Variants in DLG5 observed in about 807,000 individuals in gnomAD.
The protein encoded by DLG5 is disks large homolog 5.
DLG5 carries 48 observed loss-of-function variants against 189.8 expected under a neutral mutation model. That is an observed-to-expected ratio of 0.25 (90% CI 0.20 to 0.32). DLG5 has a LOEUF of 0.32. Ranked by LOEUF, DLG5 falls within the 10% of genes least tolerant of loss-of-function variation. The probability of loss-of-function intolerance (pLI) is 1.00; values close to 1 mark genes in which losing one functional copy is unlikely to be tolerated. For missense variants in DLG5, 2,160 were observed against 2,544.7 expected (o/e 0.85, Z 3.25); for synonymous variants, 1,016 against 1,054.1 (o/e 0.96, Z 0.70).
intron 1 of DLG5, among the ~76,000 whole-genome samples, chr10:77,888,804 A>C (rs1462828919): frequency 2.0e-5 from 3 of 152,146 alleles, no homozygotes; most frequent in Non-Finnish European, 2.9e-5. Flanking sequence ...AATATTTTCC[A>C]AGCTCTTTTA....
rs1251364910 is a variant in DLG5 at position 77,869,216 on chromosome 10, C to T, written c.305-19G>A. On this transcript the variant is annotated intron_variant, in intron 1 of 31. Coordinates refer to ENST00000372391, the MANE Select transcript of DLG5 (RefSeq NM_004747.4). ...GTAGAACCTGGGGAAAGAGGGGAGA[C>T]CATGTTACTAACCCCAAGGGGTCAC... 2 of 1,612,362 alleles carry T rather than the reference C, an allele frequency of 1.2e-6. No homozygotes were observed. The highest frequency in any genetic ancestry group is 1.7e-6 in the Non-Finnish European group (2 of 1,178,862).
chr10:77,855,619 A>T (rs1472583012), intron 3 of DLG5, among the ~76,000 whole-genome samples: 1 of 152,246 alleles, frequency 6.6e-6, no homozygotes, highest in Non-Finnish European at 1.5e-5. Flanking sequence ...CCCGTGGGCC[A>T]TAGTGTGCCA....
rs1303457502 is a variant in DLG5, at chr10:77,868,105, T to C, written c.373+1024A>G. ...CAGCCTGCGTGGCCTCACTGACACT[T>C]TGATCTTGGGCTTCTGTCCTCCAGA... On this transcript the variant is annotated intron_variant, in intron 2 of 31. Transcript: ENST00000372391. The C allele has an allele frequency of 8.8e-6, 4 of 456,212 alleles. No homozygotes were observed. In the Admixed American group the frequency reaches 9.4e-5, roughly 11 times the overall value. The allele number at this position is 456,212 out of a possible 1,614,324, so 28.3% of individuals were successfully genotyped here. A position where few individuals can be genotyped will look rare whatever the true frequency, so the allele number is the denominator to read the frequency against.
chr10:77,814,461 TTATATATATATATA>T (rs59297524), intron 20 of DLG5, among the ~76,000 whole-genome samples: 2,258 of 70,684 alleles, frequency 0.032, 102 homozygotes, highest in African/African-American at 0.078. Flanking sequence ...TAAAGCATGT[TTATATATATATATA>T]TATATATATA....
Position 77,819,386 on chromosome 10 carries a change from G to A in DLG5, c.3606C>T (p.His1202=). 7 of 1,614,142 alleles carry A rather than the reference G, an allele frequency of 4.3e-6. No individual in the cohort carries two copies. The highest frequency in any genetic ancestry group is 5.9e-6 in the Non-Finnish European group (7 of 1,180,034). ...GTGGAGAGCTGCAGGGGCCGACCCTGTGACTGCGCACAGTGTAGATGGGGT... is the reference window on the plus strand; with the variant it reads ...GTGGAGAGCTGCAGGGGCCGACCCTATGACTGCGCACAGTGTAGATGGGGT... The part of the protein sequence containing the change: ...LRNPIYTVRS[H]RVGPCSSPPA... Residue 1202 remains histidine (H), a synonymous_variant, in exon 17 of 32, where the codon CAC becomes CAT. Coordinates refer to ENST00000372391, the MANE Select transcript of DLG5 (RefSeq NM_004747.4).
At chr10:77,890,733 G>A (rs12260372) in intron 1 of DLG5, among the ~76,000 whole-genome samples, 4,798 of 152,248 alleles carry the variant, frequency 0.032, 253 homozygotes, top group African/African-American at 0.11. Flanking sequence ...TCAAGGTAGC[G>A]CTGGAGTAGT....
At chr10:77,822,747 G>A (rs927103096) in intron 14 of DLG5, among the ~76,000 whole-genome samples, 6 of 152,136 alleles carry the variant, frequency 3.9e-5, no homozygotes, top group Non-Finnish European at 7.3e-5. Context: ...GGTACACCCA[G>A]ACAACGGAAT....
chr10:77,919,584 C>CT (rs71030919), intron 1 of DLG5, among the ~76,000 whole-genome samples: 4,561 of 67,720 alleles, frequency 0.067, 336 homozygotes, highest in Non-Finnish European at 0.074. Context: ...CAGTTCAGGG[C>CT]TTTTTTTTTT....
chr10:77,874,359 T>C (rs1204449191), intron 1 of DLG5, among the ~76,000 whole-genome samples: 1 of 152,228 alleles, frequency 6.6e-6, no homozygotes, highest in African/African-American at 2.4e-5. Flanking sequence ...ATGATAGAAG[T>C]GCTTATCTCT....
At chr10:77,847,441 G>C (rs980056184) in intron 5 of DLG5, among the ~76,000 whole-genome samples, 8 of 152,150 alleles carry the variant, frequency 5.3e-5, no homozygotes, top group African/African-American at 1.7e-4. Context: ...TACTCAAAGA[G>C]GCTCGCAGGC....
At chr10:77,908,674 C>A (rs7916310) in intron 1 of DLG5, among the ~76,000 whole-genome samples, 7,964 of 152,222 alleles carry the variant, frequency 0.052, 690 homozygotes, top group African/African-American at 0.18. Flanking sequence ...GCCCAGCTCA[C>A]CATACACCCT....
chr10:77,823,949 C>T (rs946084884), intron 14 of DLG5, among the ~76,000 whole-genome samples: 3 of 152,052 alleles, frequency 2.0e-5, no homozygotes, highest in South Asian at 2.1e-4. Flanking sequence ...GGCAAGGTCT[C>T]GCTGTGTTGC....
chr10:77,820,486 A>G (rs565634510), intron 15 of DLG5: 1 of 164,032 alleles, frequency 6.1e-6, no homozygotes, highest in South Asian at 1.7e-4. Flanking sequence ...ATGTTGCCTT[A>G]CACATCTTCA....
chr10:77,816,812 C>CA, intron 19 of DLG5, 111 bp from the exon 20 acceptor site: 1 of 1,462,220 alleles, frequency 6.8e-7, no homozygotes, highest in Non-Finnish European at 9.3e-7. Context: ...CACTGCATCG[C>CA]ATAGTCTGGA....
At chr10:77,931,607 G>A (rs1846786664), upstream of DLG5, among the ~76,000 whole-genome samples, 1 of 152,080 alleles carries the variant, frequency 6.6e-6, no homozygotes, top group Non-Finnish European at 1.5e-5. Flanking sequence ...CCATCCTGAT[G>A]CCACCTCCAG....
the DLG5 span, among the ~76,000 whole-genome samples, chr10:77,935,431 A>G: frequency 3.9e-5 from 6 of 152,054 alleles, no homozygotes; most frequent in African/African-American, 1.2e-4. Flanking sequence ...TCCACTAGTG[A>G]TTGGAGGGAA....
At chr10:77,888,001 A>C (rs765885846) in intron 1 of DLG5, among the ~76,000 whole-genome samples, 1 of 152,190 alleles carries the variant, frequency 6.6e-6, no homozygotes, top group Non-Finnish European at 1.5e-5. Flanking sequence ...AGCAATTTTC[A>C]TATTTCCTAG....
chr10:77,936,486 A>G, the DLG5 span, among the ~76,000 whole-genome samples: 1 of 151,472 alleles, frequency 6.6e-6, no homozygotes, highest in African/African-American at 2.4e-5. Flanking sequence ...AGAGAGGCCC[A>G]GACCTAGTCA....
In DLG5 at chr10:77,796,722, AAAATCTCGT is replaced by A; in HGVS notation, c.5165-137_5165-129del. The A allele has an allele frequency of 8.4e-7, 1 of 1,196,646 alleles. No individual in the cohort carries two copies. The highest frequency in any genetic ancestry group is 1.2e-6 in the Non-Finnish European group (1 of 850,386). The allele number at this position is 1,196,646 out of a possible 1,614,324, so 74.1% of individuals were successfully genotyped here. On this transcript the variant is annotated intron_variant, in intron 27 of 31. Transcript: ENST00000372391. This position sits in a 1 kb window ranked among gnomAD's most constrained non-coding sequence, Gnocchi z 5.2. ...TGGGACTCCCCCAGCTTCAGCACTG[AAAATCTCGT>A]GTCCCAGGCACAACCGGGCATCGTC...
Sources: gnomAD v4.1 joint callset for allele counts (sites outside exome capture counted in the v4.1 genomes callset) on GRCh38, gnomAD v4.1.1 for gene constraint, Gnocchi (gnomAD v3.1) non-coding constraint, MANE v1.5 for transcripts, NCBI Gene and HGNC (gene_info 2026-07-23, HGNC 2026-07-21) for gene names.